ANKS1B: variants seen among roughly 807,000 people sequenced by gnomAD.
The protein encoded by ANKS1B is ankyrin repeat and sterile alpha motif domain-containing protein 1B.
ANKS1B carries 36 observed loss-of-function variants against 148.3 expected under a neutral mutation model. That is an observed-to-expected ratio of 0.24 (90% CI 0.19 to 0.32). ANKS1B has a LOEUF of 0.32. Ranked by LOEUF, ANKS1B falls within the 10% of genes least tolerant of loss-of-function variation. ANKS1B has a pLI of 1.00. For synonymous variants in ANKS1B, 542 were observed against 560.8 expected, an observed-to-expected ratio of 0.97 and a Z score of 0.47; for missense variants, 1,157 against 1,542.6, an observed-to-expected ratio of 0.75 and a Z score of 4.19.
At chr12:99,714,681 C>A (rs893744129) in intron 8 of ANKS1B, among the ~76,000 whole-genome samples, 7 of 152,164 alleles carry the variant, frequency 4.6e-5, no homozygotes, top group African/African-American at 1.7e-4. Context: ...GACTGCTCCA[C>A]CAACCAGCCT....
At chr12:99,784,485 A>C in intron 4 of ANKS1B, among the ~76,000 whole-genome samples, 1 of 152,142 alleles carries the variant, frequency 6.6e-6, no homozygotes, top group Non-Finnish European at 1.5e-5. Flanking sequence ...GAACACTTTC[A>C]TAATCATTTC....
At chr12:99,746,899 C>T (rs1439622342) in intron 8 of ANKS1B, among the ~76,000 whole-genome samples, 1 of 152,110 alleles carries the variant, frequency 6.6e-6, no homozygotes, top group African/African-American at 2.4e-5. Context: ...CCTTAATCCT[C>T]ACCCTCAGAC....
intron 17 of ANKS1B, among the ~76,000 whole-genome samples, chr12:99,004,755 G>A (rs950118432): frequency 5.9e-5 from 9 of 151,514 alleles, no homozygotes; most frequent in Non-Finnish European, 1.2e-4. Context: ...GTCCAGGCAT[G>A]CCAGTATCAA....
chr12:99,570,251 C>T (rs1242354856), intron 9 of ANKS1B, among the ~76,000 whole-genome samples: 1 of 151,826 alleles, frequency 6.6e-6, no homozygotes, highest in African/African-American at 2.4e-5. Context: ...TTGCTTATGT[C>T]ACAATTGAGG....
chr12:99,054,310 G>A lies in ANKS1B; in HGVS notation c.2626-1001C>T, dbSNP rs116267013. Among the ~76,000 whole-genome samples, 1,182 of 152,268 alleles carry A rather than the reference G, an allele frequency of 7.8e-3. 16 individuals are homozygous for A. The highest frequency in any genetic ancestry group is 0.027 in the African/African-American group (1,122 of 41,544). ...TTTTCCTCTTTCTTTGATTCAAAGA[G>A]ATAAATATTAATGGAAATTTATATG... is the stretch of plus-strand genomic sequence containing the variant. On this transcript the variant is annotated intron_variant, in intron 16 of 26. Coordinates refer to ENST00000683438, the MANE Select transcript of ANKS1B (RefSeq NM_001352186.2).
chr12:99,790,033 T>C (rs2153642843), intron 4 of ANKS1B, among the ~76,000 whole-genome samples: 1 of 152,250 alleles, frequency 6.6e-6, no homozygotes, highest in East Asian at 1.9e-4. Flanking sequence ...ACCAAGCAGA[T>C]GTAACCCAAA....
intron 12 of ANKS1B, among the ~76,000 whole-genome samples, chr12:99,359,577 G>A (rs748519057): frequency 6.6e-6 from 1 of 151,980 alleles, no homozygotes; most frequent in East Asian, 1.9e-4. Context: ...TATAAAAAAT[G>A]TTCCTTTAAA....
intron 11 of ANKS1B, among the ~76,000 whole-genome samples, chr12:99,418,852 A>T (rs1511969): frequency 6.6e-6 from 1 of 152,032 alleles, no homozygotes; most frequent in Non-Finnish European, 1.5e-5. Context: ...GGTCTTAAAA[A>T]ACAAAACAAC....
chr12:98,994,482 T>C (rs1416703377), intron 17 of ANKS1B, among the ~76,000 whole-genome samples: 3 of 152,044 alleles, frequency 2.0e-5, no homozygotes, highest in Non-Finnish European at 4.4e-5. Context: ...TTGGGCATGG[T>C]GGTGCGTGCC....
chr12:98,924,590 A>T (rs1319803959), intron 17 of ANKS1B, among the ~76,000 whole-genome samples: 2 of 152,040 alleles, frequency 1.3e-5, no homozygotes, highest in African/African-American at 4.8e-5. Flanking sequence ...TATACCATCA[A>T]CCCAAAGACA....
intron 8 of ANKS1B, among the ~76,000 whole-genome samples, chr12:99,667,348 CAAAAAAAAAG>C (rs1303573666): frequency 4.6e-5 from 5 of 108,882 alleles, no homozygotes; most frequent in Non-Finnish European, 8.8e-5. Flanking sequence ...GACTCTGTCT[CAAAAAAAAAG>C]AAAAGAAAAG....
chr12:99,797,846 A>C (rs2153652673), intron 4 of ANKS1B, among the ~76,000 whole-genome samples: 1 of 152,088 alleles, frequency 6.6e-6, no homozygotes, highest in Non-Finnish European at 1.5e-5. Flanking sequence ...AAAACAAGAT[A>C]AGTCGCAAGC....
At chr12:99,486,444 C>A (rs1420388741) in intron 10 of ANKS1B, among the ~76,000 whole-genome samples, 1 of 150,440 alleles carries the variant, frequency 6.6e-6, no homozygotes, top group East Asian at 1.9e-4. Context: ...CTCATTCTTC[C>A]ATGGCATGTG....
At chr12:99,862,998 T>C (rs148452478) in intron 1 of ANKS1B, among the ~76,000 whole-genome samples, 6 of 152,192 alleles carry the variant, frequency 3.9e-5, no homozygotes, top group Non-Finnish European at 1.5e-5. Context: ...AGCAACTCTA[T>C]CCCTAGACCC....
intron 1 of ANKS1B, among the ~76,000 whole-genome samples, chr12:99,924,218 A>C (rs1439181579): frequency 2.0e-5 from 3 of 152,136 alleles, no homozygotes; most frequent in Admixed American, 6.6e-5. Context: ...GAGACAGTGA[A>C]TACAGGAAGA....
chr12:98,861,815 CTG>C (rs984116675), intron 17 of ANKS1B, among the ~76,000 whole-genome samples: 7 of 152,152 alleles, frequency 4.6e-5, no homozygotes, highest in Non-Finnish European at 7.4e-5. Flanking sequence ...AACAGAAAAA[CTG>C]GGGCTGAATC....
At chr12:99,823,851 T>C (rs11110062) in intron 2 of ANKS1B, among the ~76,000 whole-genome samples, 1 of 152,328 alleles carries the variant, frequency 6.6e-6, no homozygotes, top group East Asian at 1.9e-4. Context: ...GGGAGTCCTT[T>C]CTCCATTGCT....
chr12:99,754,542 A>T (rs931264211), intron 8 of ANKS1B, among the ~76,000 whole-genome samples: 2 of 152,210 alleles, frequency 1.3e-5, no homozygotes, highest in Non-Finnish European at 2.9e-5. Flanking sequence ...CCCAGAATAT[A>T]CATTCTTCTC....
intron 25 of ANKS1B, among the ~76,000 whole-genome samples, chr12:98,762,653 G>C (rs1238071824): frequency 6.6e-6 from 1 of 152,184 alleles, no homozygotes; most frequent in African/African-American, 2.4e-5. Context: ...CTCACCTCGG[G>C]CATCATATCT....
Sources: allele counts gnomAD v4.1 joint callset (sites outside exome capture counted in the v4.1 genomes callset), GRCh38; gene constraint gnomAD v4.1.1; transcripts MANE v1.5; gene names NCBI Gene and HGNC (gene_info 2026-07-23, HGNC 2026-07-21).